The following OXR1 variants were observed in gnomAD, a reference collection of about 807,000 sequenced individuals.
OXR1 encodes the protein oxidation resistance protein 1.
OXR1 carries 41 observed loss-of-function variants against 104.6 expected under a neutral mutation model. The ratio of observed to expected loss-of-function variants is 0.39; its 90% confidence interval spans 0.31 to 0.51. The LOEUF is 0.51. Among genes scored for constraint, OXR1 ranks in the 20% least tolerant of loss-of-function variants. The probability of loss-of-function intolerance (pLI) is 0.77; values close to 1 mark genes in which losing one functional copy is unlikely to be tolerated. For missense variants in OXR1, 955 were observed against 1,031.9 expected, an observed-to-expected ratio of 0.93 and a Z score of 1.02; for synonymous variants, 348 against 348.4, an observed-to-expected ratio of 1.00 and a Z score of 0.01.
At chr8:106,658,862 A>G (rs942625674) in intron 3 of OXR1, among the ~76,000 whole-genome samples, 4 of 152,162 alleles carry the variant, frequency 2.6e-5, no homozygotes, top group Non-Finnish European at 5.9e-5. Flanking sequence ...TAGCGACATG[A>G]TATTGATAAC....
At chr8:106,325,254 A>G (rs1206519437) in intron 1 of OXR1, among the ~76,000 whole-genome samples, 1 of 152,174 alleles carries the variant, frequency 6.6e-6, no homozygotes, top group Admixed American at 6.5e-5. Flanking sequence ...TAACAGTATA[A>G]AGACTTGGCT....
chr8:106,391,561 G>T (rs1226568827), intron 2 of OXR1, among the ~76,000 whole-genome samples: 1 of 152,066 alleles, frequency 6.6e-6, no homozygotes. Context: ...TTTAAAATGA[G>T]ATTTCAAGTC....
chr8:106,553,695 G>A (rs374325738), intron 3 of OXR1, among the ~76,000 whole-genome samples: 39 of 152,180 alleles, frequency 2.6e-4, no homozygotes, highest in African/African-American at 9.2e-4. Flanking sequence ...AATACTAAGA[G>A]CAAAATGTGT....
At chr8:106,659,836 G>A (rs1434876528) in intron 3 of OXR1, among the ~76,000 whole-genome samples, 1 of 152,194 alleles carries the variant, frequency 6.6e-6, no homozygotes, top group African/African-American at 2.4e-5. Flanking sequence ...GTTTATATAT[G>A]TGGAGCACAC....
At chr8:106,282,137 C>T (rs988033800) in intron 1 of OXR1, among the ~76,000 whole-genome samples, 6 of 152,100 alleles carry the variant, frequency 3.9e-5, no homozygotes, top group African/African-American at 1.2e-4. Flanking sequence ...ACCTGTAGCT[C>T]ACTGACATGG....
intron 3 of OXR1, among the ~76,000 whole-genome samples, chr8:106,588,095 G>A (rs927348032): frequency 6.6e-6 from 1 of 151,718 alleles, no homozygotes; most frequent in South Asian, 2.1e-4. Flanking sequence ...GGGACTACAG[G>A]CACCCGCCAC....
intron 2 of OXR1, among the ~76,000 whole-genome samples, chr8:106,388,771 A>G (rs1342290971): frequency 6.6e-6 from 1 of 152,168 alleles, no homozygotes; most frequent in Non-Finnish European, 1.5e-5. Context: ...AAGAAATTCT[A>G]CCATTTTACT....
Position 106,376,695 on chromosome 8 carries a change from G to A in OXR1, c.23+17059G>A, listed in dbSNP as rs1278358634. On this transcript the variant is annotated intron_variant, in intron 2 of 16. Coordinates refer to ENST00000517566, the MANE Select transcript of OXR1 (RefSeq NM_001198533.2). ...TCACTAATTGATAAAATCAGAAGTG[G>A]TTAGCCCTAAATTGGGGTTCCACCT... is the stretch of plus-strand genomic sequence containing the variant. 3.3e-5 allele frequency among the ~76,000 whole-genome samples: 5 copies of A among 152,154 alleles called. No individual in the cohort carries two copies. In the East Asian group the frequency reaches 9.6e-4, roughly 29 times the overall value.
chr8:106,508,346 T>C (rs559766275), intron 2 of OXR1, among the ~76,000 whole-genome samples: 1 of 152,310 alleles, frequency 6.6e-6, no homozygotes, highest in Admixed American at 6.5e-5. Flanking sequence ...ATTTTTAACA[T>C]TTTATAATTT....
intron 2 of OXR1, among the ~76,000 whole-genome samples, chr8:106,468,908 G>T (rs1821332615): frequency 6.6e-6 from 1 of 151,464 alleles, no homozygotes; most frequent in Non-Finnish European, 1.5e-5. Context: ...TGAAAATCAA[G>T]GGCAGAAAGG....
At chr8:106,402,189 A>G (rs1038319839) in intron 2 of OXR1, among the ~76,000 whole-genome samples, 1 of 152,222 alleles carries the variant, frequency 6.6e-6, no homozygotes, top group Non-Finnish European at 1.5e-5. Flanking sequence ...TCCAAGATCC[A>G]TCTGTCTTCT....
chr8:106,279,172 C>T (rs1433936094), intron 1 of OXR1, among the ~76,000 whole-genome samples: 2 of 152,058 alleles, frequency 1.3e-5, no homozygotes, highest in East Asian at 3.8e-4. Flanking sequence ...TTCCAATCAG[C>T]AGTTACATTG....
rs755680466 is a variant in OXR1, at chr8:106,276,021, A to T, written c.-139+5654A>T. 2.0e-5 allele frequency among the ~76,000 whole-genome samples: 3 copies of T among 152,196 alleles called. No individual in the cohort carries two copies. In the South Asian group the frequency reaches 6.2e-4, roughly 32 times the overall value. On this transcript the variant is annotated intron_variant, in intron 1 of 16. Coordinates refer to ENST00000517566, the MANE Select transcript of OXR1 (RefSeq NM_001198533.2). ...CCCCAGGCTTTCAGTCTTCTTTATA[A>T]ATAGTGTATCTCTTCTATCTCTGGA...
At chr8:106,586,321 GA>G (rs796612145) in intron 3 of OXR1, among the ~76,000 whole-genome samples, 14 of 149,816 alleles carry the variant, frequency 9.3e-5, no homozygotes, top group Admixed American at 6.6e-4. Context: ...TAGAAAGAAA[GA>G]AAAAAAAAGA....
chr8:106,677,230 CAT>C (rs59118771), intron 3 of OXR1, among the ~76,000 whole-genome samples: 131 of 143,106 alleles, frequency 9.2e-4, no homozygotes, highest in Middle Eastern at 3.6e-3. Context: ...TTATTTAAAA[CAT>C]AAATTATTCA....
At chr8:106,435,764 A>G (rs183492050) in intron 2 of OXR1, among the ~76,000 whole-genome samples, 51 of 152,286 alleles carry the variant, frequency 3.3e-4, no homozygotes, top group Non-Finnish European at 5.6e-4. Context: ...ATGTGGCCCT[A>G]TCAAAGCCCC....
intron 2 of OXR1, among the ~76,000 whole-genome samples, chr8:106,482,007 T>G (rs1003156155): frequency 5.9e-5 from 9 of 152,002 alleles, no homozygotes; most frequent in Admixed American, 5.3e-4. Flanking sequence ...AAAAATGACA[T>G]GTACATAGTA....
At chr8:106,517,798 T>C (rs1812958398) in intron 2 of OXR1, among the ~76,000 whole-genome samples, 1 of 152,214 alleles carries the variant, frequency 6.6e-6, no homozygotes, top group Non-Finnish European at 1.5e-5. Context: ...ATGGATAAGG[T>C]AGAAATCATA....
intron 1 of OXR1, among the ~76,000 whole-genome samples, chr8:106,281,799 C>CAAAAAAAAA (rs59515650): frequency 1.6e-5 from 1 of 62,922 alleles, no homozygotes; most frequent in Non-Finnish European, 3.3e-5. Flanking sequence ...GACTCTATCT[C>CAAAAAAAAA]AAAAAAAAAA....
Sources: gnomAD v4.1 joint callset for allele counts (sites outside exome capture counted in the v4.1 genomes callset) on GRCh38, gnomAD v4.1.1 for gene constraint, MANE v1.5 for transcripts, NCBI Gene and HGNC (gene_info 2026-07-23, HGNC 2026-07-21) for gene names.